EVI5: variants seen among roughly 807,000 people sequenced by gnomAD.
EVI5 encodes ecotropic viral integration site 5, also known as ecotropic viral integration site 5 protein homolog.
A neutral mutation model predicts 112.0 loss-of-function variants in EVI5; 73 were observed. That is an observed-to-expected ratio of 0.65 (90% CI 0.54 to 0.79). The LOEUF (loss-of-function observed/expected upper bound fraction) is 0.79. Ranked by LOEUF, EVI5 falls within the 30% of genes least tolerant of loss-of-function variation. The pLI, the probability that EVI5 is intolerant of heterozygous loss-of-function variation, is 0.00. For missense variants in EVI5, 900 were observed against 968.8 expected, an observed-to-expected ratio of 0.93 and a Z score of 0.94; for synonymous variants, 305 against 319.9, an observed-to-expected ratio of 0.95 and a Z score of 0.50.
At chr1:92,516,565 G>C (rs1475913205) in intron 19 of EVI5, among the ~76,000 whole-genome samples, 1 of 152,146 alleles carries the variant, frequency 6.6e-6, no homozygotes, top group African/African-American at 2.4e-5. Context: ...GTGCACACTG[G>C]ATCTGATGAG....
intron 2 of EVI5, among the ~76,000 whole-genome samples, chr1:92,725,253 T>C (rs1040970503): frequency 6.6e-6 from 1 of 152,126 alleles, no homozygotes; most frequent in African/African-American, 2.4e-5. Flanking sequence ...CATTCACACA[T>C]GGTAGAAAAT....
intron 1 of EVI5, chr1:92,756,905 AG>A (rs1681044779): frequency 2.6e-6 from 1 of 383,996 alleles, no homozygotes; most frequent in Admixed American, 3.0e-5. Context: ...TTATAACCAG[AG>A]CTTTCAGACA....
At chr1:92,561,617 CTAT>C (rs879831903) in intron 19 of EVI5, among the ~76,000 whole-genome samples, 661 of 76,714 alleles carry the variant, frequency 8.6e-3, no homozygotes, top group Middle Eastern at 0.019. Flanking sequence ...TCCTATCTAT[CTAT>C]CTATCTATCT....
intron 18 of EVI5, 71 bp from the exon 19 acceptor site, chr1:92,563,808 G>C: frequency 1.1e-6 from 1 of 876,198 alleles, no homozygotes; most frequent in Non-Finnish European, 1.9e-6. Flanking sequence ...AATAGTTCAA[G>C]GTATAGGAAA....
intron 2 of EVI5, chr1:92,732,538 A>G (rs1276006786): frequency 1.0e-5 from 2 of 190,506 alleles, no homozygotes; most frequent in Non-Finnish European, 2.2e-5. Flanking sequence ...AGGGCAAACC[A>G]ATGTTCTTTT....
At chr1:92,539,942 TA>T (rs1462657531) in intron 19 of EVI5, among the ~76,000 whole-genome samples, 3 of 152,358 alleles carry the variant, frequency 2.0e-5, no homozygotes, top group Admixed American at 6.5e-5. Context: ...TCTGGACATA[TA>T]AATGAAATCA....
At chr1:92,584,588 G>A (rs1211464701) in intron 18 of EVI5, among the ~76,000 whole-genome samples, 3 of 152,142 alleles carry the variant, frequency 2.0e-5, no homozygotes, top group Non-Finnish European at 4.4e-5. Context: ...TAATCAGAAT[G>A]GTAAATGTGG....
At position 92,663,449 on chromosome 1, in the gene EVI5, T is replaced by C. The variant is rs751613605; in HGVS notation, c.1216A>G (p.Ser406Gly). The C allele has an allele frequency of 3.5e-6, 5 of 1,420,116 alleles. No individual in the cohort carries two copies. Among genetic ancestry groups the C allele is most frequent in the Admixed American group, 4.6e-5 (2 of 43,114 alleles). 88.0% of individuals were successfully genotyped at this position (1,420,116 alleles called of 1,614,324 possible). ...ATCAATCTATCTGCCAAGGAAGCAC[T>C]TTCCTACAAAAGGAAAAATTCAGAT... Reference protein sequence around the residue: ...KQRIETLEKESASLADRLIQG... With the variant: ...KQRIETLEKEGASLADRLIQG... Residue 406 changes from serine (S) to glycine (G), a missense_variant, in exon 12 of 20, where the codon AGT (serine) becomes GGT (glycine). Ser to Gly is a moderately conservative substitution (Grantham distance 56). Coordinates refer to ENST00000684568, the MANE Select transcript of EVI5 (RefSeq NM_001350197.2).
At chr1:92,702,054 A>T in intron 5 of EVI5, 87 bp downstream of exon 5, 1 of 664,254 alleles carries the variant, frequency 1.5e-6, no homozygotes, top group South Asian at 1.8e-5. Context: ...ATCCACTTAC[A>T]TTTAATAAAA....
intron 1 of EVI5, among the ~76,000 whole-genome samples, chr1:92,773,653 C>CA (rs564999409): frequency 5.7e-4 from 87 of 151,870 alleles, no homozygotes; most frequent in South Asian, 3.5e-3. Flanking sequence ...GAAAATAAAA[C>CA]AAAAAAATCA....
rs1381902525 is a variant in EVI5 at position 92,510,596 on chromosome 1, A to C, written c.*3060T>G. ...AGTATCTGTTATCAAGGGTTAGCAA[A>C]CTTTTTCTGTAAAGGATCAGATAAA... is the stretch of plus-strand genomic sequence containing the variant. On this transcript the variant is annotated 3_prime_UTR_variant, in exon 20 of 20. Transcript: ENST00000684568. The C allele has an allele frequency of 6.6e-6, 1 of 152,192 alleles. No homozygotes were observed. Among genetic ancestry groups the C allele is most frequent in the African/African-American group, 2.4e-5 (1 of 41,438 alleles). 9.4% of individuals were successfully genotyped at this position (152,192 alleles called of 1,614,324 possible).
At chr1:92,657,029 T>C (rs1663115547) in intron 13 of EVI5, among the ~76,000 whole-genome samples, 4 of 152,070 alleles carry the variant, frequency 2.6e-5, no homozygotes, top group Admixed American at 6.5e-5. Context: ...CCTTAACTCA[T>C]TCTATGAAGC....
chr1:92,718,336 A>G (rs950928794), intron 2 of EVI5, among the ~76,000 whole-genome samples: 9 of 152,204 alleles, frequency 5.9e-5, no homozygotes, highest in African/African-American at 2.2e-4. Context: ...AAATCACAAC[A>G]AACGGTCTCT....
At chr1:92,724,948 A>G (rs1358125673) in intron 2 of EVI5, among the ~76,000 whole-genome samples, 1 of 152,154 alleles carries the variant, frequency 6.6e-6, no homozygotes, top group African/African-American at 2.4e-5. Flanking sequence ...TCAGGGCCCT[A>G]TAACAGGTGG....
intron 19 of EVI5, among the ~76,000 whole-genome samples, chr1:92,533,339 G>T (rs1015866636): frequency 1.3e-5 from 2 of 152,156 alleles, no homozygotes; most frequent in Non-Finnish European, 2.9e-5. Context: ...CAGATTCACA[G>T]CTGAATTCCA....
intron 16 of EVI5, among the ~76,000 whole-genome samples, chr1:92,622,013 T>C (rs11164785): frequency 0.58 from 87,542 of 151,512 alleles, 26,979 homozygotes; most frequent in East Asian, 0.92. Context: ...CCCAGCTACT[T>C]GGGAGGCTGA....
chr1:92,606,912 ACACACACACACCCC>A (rs1278888530), intron 17 of EVI5, among the ~76,000 whole-genome samples: 18 of 101,126 alleles, frequency 1.8e-4, no homozygotes, highest in South Asian at 4.5e-4. Context: ...ACACACACAC[ACACACACACACCCC>A]CCCAAACCCT....
At chr1:92,760,600 G>A (rs1357343849) in intron 1 of EVI5, among the ~76,000 whole-genome samples, 3 of 151,954 alleles carry the variant, frequency 2.0e-5, no homozygotes, top group East Asian at 1.9e-4. Flanking sequence ...TGGGTGTGGT[G>A]GCACACACCT....
chr1:92,781,997 A>C (rs905660489), intron 1 of EVI5, among the ~76,000 whole-genome samples: 10 of 149,668 alleles, frequency 6.7e-5, no homozygotes, highest in Non-Finnish European at 1.5e-4. Flanking sequence ...ACGGTGGCTC[A>C]CACCTGTAAT....
Sources: gnomAD v4.1 joint callset for allele counts (sites outside exome capture counted in the v4.1 genomes callset) on GRCh38, gnomAD v4.1.1 for gene constraint, MANE v1.5 for transcripts, NCBI Gene and HGNC (gene_info 2026-07-23, HGNC 2026-07-21) for gene names.